Variants in THBS4 observed in about 807,000 individuals in gnomAD.
The protein encoded by THBS4 is thrombospondin 4, also known as thrombospondin-4.
THBS4 carries 90 observed loss-of-function variants against 115.7 expected under a neutral mutation model. The observed-to-expected ratio is 0.78, with a 90% CI of 0.66 to 0.93. THBS4 has a LOEUF of 0.93. Ranked by LOEUF, THBS4 falls within the 40% of genes least tolerant of loss-of-function variation. The probability of loss-of-function intolerance (pLI) is 0.00; values close to 1 mark genes in which losing one functional copy is unlikely to be tolerated. For synonymous variants in THBS4, 460 were observed against 479.3 expected (o/e 0.96, Z 0.53); for missense variants, 1,087 against 1,232.7 (o/e 0.88, Z 1.77).
At position 80,071,146 on chromosome 5, in the gene THBS4, A is replaced by T. The variant is rs115717120; in HGVS notation, c.1686A>T (p.Arg562Ser). The T allele has an allele frequency of 3.1e-5, 50 of 1,596,742 alleles. No individual in the cohort carries two copies. In the African/African-American group the frequency reaches 5.7e-4, roughly 18 times the overall value. ...NDQKDTDGDG[R>S]GDACDDDMDG... Reference sequence around the variant, plus strand: ...AGAAAGACACCGATGGGGATGGAAGAGGAGATGCCTGTGATGATGACATGG... The same window carrying T: ...AGAAAGACACCGATGGGGATGGAAGTGGAGATGCCTGTGATGATGACATGG... The change falls in exon 13 of 22, where the codon AGA becomes AGT. Residue 562 changes from arginine to serine, a missense_variant. This residue lies in a region of THBS4 where 979 missense variants were observed against 1,103.7 expected (regional missense o/e 0.89). Transcript: ENST00000350881.
chr5:80,053,572 T>C (rs1435507135), intron 2 of THBS4, among the ~76,000 whole-genome samples: 1 of 151,860 alleles, frequency 6.6e-6, no homozygotes, highest in Non-Finnish European at 1.5e-5. Context: ...CTGCTTTAAG[T>C]TCTACTTAAC....
In THBS4 at chr5:80,038,852, A is replaced by G. The variant is rs142263457; in HGVS notation, c.89-1225A>G. Among the ~76,000 whole-genome samples the G allele has an allele frequency of 9.9e-4, 151 of 152,334 alleles. 1 individual carries two copies. The highest frequency in any genetic ancestry group is 3.5e-3 in the African/African-American group (145 of 41,580). ...AAACTGTCTTCAAAATGTTTATACT[A>G]GTTTAAATGTTACACAGTGGTACAG... On this transcript the variant is annotated intron_variant, in intron 1 of 21. Transcript: ENST00000350881.
chr5:80,047,880 C>T (rs1049908320), intron 2 of THBS4, among the ~76,000 whole-genome samples: 1 of 151,820 alleles, frequency 6.6e-6, no homozygotes, highest in Non-Finnish European at 1.5e-5. Context: ...CTCCTGACCA[C>T]GTGATCCACC....
chr5:80,082,316 C>T (rs1292957119), intron 20 of THBS4, 90 bp from the exon 21 acceptor site: 6 of 1,523,936 alleles, frequency 3.9e-6, no homozygotes, highest in South Asian at 1.2e-5. Context: ...GACGCAGGTA[C>T]GTATAAGAAG....
intron 2 of THBS4, among the ~76,000 whole-genome samples, chr5:80,028,415 A>G (rs1325432310): frequency 6.6e-6 from 1 of 151,814 alleles, no homozygotes; most frequent in Non-Finnish European, 1.5e-5. Context: ...AGGTCAAAAT[A>G]GTCGATACTA....
At chr5:80,024,928 G>A (rs116359570) in intron 2 of THBS4, among the ~76,000 whole-genome samples, 26 of 152,230 alleles carry the variant, frequency 1.7e-4, no homozygotes, top group East Asian at 5.8e-4. Flanking sequence ...ACCTCAGTTC[G>A]AGTCCACTTT....
chr5:80,072,659 A>G (rs1316792409), intron 14 of THBS4: 1 of 437,720 alleles, frequency 2.3e-6, no homozygotes, highest in Non-Finnish European at 4.2e-6. Flanking sequence ...CAATACAAGT[A>G]TTTTTCCTGC....
intron 5 of THBS4, among the ~76,000 whole-genome samples, chr5:80,059,128 G>T (rs922030287): frequency 6.6e-6 from 1 of 152,024 alleles, no homozygotes; most frequent in African/African-American, 2.4e-5. Context: ...TGAGGAGCTC[G>T]AGACCAGCCT....
chr5:80,058,217 A>G lies in THBS4; in HGVS notation c.552A>G (p.Glu184=), dbSNP rs1446809881. Residue 184 remains glutamate (E), a synonymous_variant, in exon 4 of 22, where the codon GAA becomes GAG. Transcript: ENST00000350881. The stretch of plus-strand genomic sequence containing the variant: ...GTGATTTCTTCCAGGACTTCTTGGA[A>G]GAGCTGAAGCTGGTGGTGAGAGGCT... ...TFQRKPQDFL[E]ELKLVVRGSL... The G allele has an allele frequency of 1.3e-6, 2 of 1,573,880 alleles. No individual in the cohort carries two copies. Among genetic ancestry groups the G allele is most frequent in the East Asian group, 4.6e-5 (2 of 43,236 alleles).
intron 2 of THBS4, among the ~76,000 whole-genome samples, chr5:80,050,286 A>T (rs1328623757): frequency 1.3e-5 from 2 of 152,208 alleles, no homozygotes; most frequent in Non-Finnish European, 2.9e-5. Flanking sequence ...TATTACTCAA[A>T]TCAGTCTCCC....
chr5:80,016,553 T>G (rs1303756995), intron 2 of THBS4, among the ~76,000 whole-genome samples: 1 of 152,168 alleles, frequency 6.6e-6, no homozygotes, highest in Non-Finnish European at 1.5e-5. Flanking sequence ...GCAGGGCAGG[T>G]TCTTTACTGA....
At chr5:80,000,810 GTGTGCAC>G (rs1271033492) in intron 2 of THBS4, among the ~76,000 whole-genome samples, 1 of 152,138 alleles carries the variant, frequency 6.6e-6, no homozygotes, top group Non-Finnish European at 1.5e-5. Flanking sequence ...GAGCGTATGT[GTGTGCAC>G]TGGTGAGGGG....
At chr5:80,003,910 A>T (rs1340861637) in intron 2 of THBS4, among the ~76,000 whole-genome samples, 1 of 152,202 alleles carries the variant, frequency 6.6e-6, no homozygotes, top group Non-Finnish European at 1.5e-5. Context: ...TTTTTCTACA[A>T]GTCTGTTTCT....
intron 2 of THBS4, among the ~76,000 whole-genome samples, chr5:80,002,891 A>G (rs566062363): frequency 6.6e-6 from 1 of 151,646 alleles, no homozygotes; most frequent in African/African-American, 2.4e-5. Context: ...GGAGGTGGGT[A>G]GAGGAACTGT....
rs1315443712 is a variant in THBS4, at chr5:80,035,832, T to C, written c.88+207T>C. Among the ~76,000 whole-genome samples the C allele has an allele frequency of 6.6e-6, 1 of 152,210 alleles. No homozygotes were observed. The highest frequency in any genetic ancestry group is 1.5e-5 in the Non-Finnish European group (1 of 68,026). Reference sequence around the variant, plus strand: ...TTCGATTATCCAATGATGAGAACAATTGCCTAAATAGTTGGGGGATGCAAA... The same window carrying C: ...TTCGATTATCCAATGATGAGAACAACTGCCTAAATAGTTGGGGGATGCAAA... On this transcript the variant is annotated intron_variant, in intron 1 of 21. Transcript: ENST00000350881. The surrounding 1 kb of genome is among the most constrained non-coding windows in gnomAD (Gnocchi z 4.6).
chr5:80,015,105 A>T (rs2151156112), intron 2 of THBS4, among the ~76,000 whole-genome samples: 1 of 152,384 alleles, frequency 6.6e-6, no homozygotes, highest in East Asian at 1.9e-4. Flanking sequence ...AAAATAATTA[A>T]CATTCAGTAC....
chr5:80,016,067 C>T (rs1262529426), intron 2 of THBS4, among the ~76,000 whole-genome samples: 1 of 152,176 alleles, frequency 6.6e-6, no homozygotes, highest in Non-Finnish European at 1.5e-5. Context: ...GAAGACCCTT[C>T]CCTGGACAGT....
chr5:79,991,999 CTT>C (rs1456218210), intron 1 of THBS4, among the ~76,000 whole-genome samples: 1 of 152,188 alleles, frequency 6.6e-6, no homozygotes, highest in Non-Finnish European at 1.5e-5. Flanking sequence ...AGGCTCTGTG[CTT>C]AAAAAGGCTC....
chr5:80,019,521 A>G (rs1231077322), intron 2 of THBS4: 1 of 152,262 alleles, frequency 6.6e-6, no homozygotes, highest in Non-Finnish European at 1.5e-5. Flanking sequence ...TCCTTCATCT[A>G]GGAGATGGCT....
Sources: gnomAD v4.1 joint callset for allele counts (sites outside exome capture counted in the v4.1 genomes callset) on GRCh38, gnomAD v4.1.1 for gene constraint, gnomAD v4.1.1 regional missense constraint, Gnocchi (gnomAD v3.1) non-coding constraint, MANE v1.5 for transcripts, NCBI Gene and HGNC (gene_info 2026-07-23, HGNC 2026-07-21) for gene names.